Variants in GALNT13 observed in about 807,000 individuals in gnomAD.
The protein encoded by GALNT13 is UDP-GalNAc:polypeptide N-acetylgalactosaminyltransferase 13.
Under a neutral mutation model 64.2 loss-of-function variants are expected in GALNT13, and 28 were observed. The ratio of observed to expected loss-of-function variants is 0.44; its 90% CI spans 0.32 to 0.60. The LOEUF is 0.60. Among genes scored for constraint, GALNT13 ranks in the 20% least tolerant of loss-of-function variants. The pLI, the probability that GALNT13 is intolerant of heterozygous loss-of-function variation, is 0.05. For synonymous variants in GALNT13, 214 were observed against 224.6 expected, an observed-to-expected ratio of 0.95 and a Z score of 0.42; for missense variants, 577 against 669.8, an observed-to-expected ratio of 0.86 and a Z score of 1.53.
chr2:153,896,221 T>C (rs1024840297), intron 1 of GALNT13, among the ~76,000 whole-genome samples: 41 of 150,666 alleles, frequency 2.7e-4, no homozygotes, highest in Non-Finnish European at 3.5e-4. Flanking sequence ...CTGACTACTT[T>C]CACTTATTTT....
intron 9 of GALNT13, among the ~76,000 whole-genome samples, chr2:154,304,373 A>G (rs138380341): frequency 3.3e-5 from 5 of 152,296 alleles, no homozygotes; most frequent in African/African-American, 1.2e-4. Context: ...TCTTTTGATG[A>G]TACTTTTTGA....
chr2:153,538,357 TTTTTA>T, the GALNT13 span, among the ~76,000 whole-genome samples: 4 of 125,638 alleles, frequency 3.2e-5, no homozygotes, highest in East Asian at 2.5e-4. Context: ...TTTTTATTTA[TTTTTA>T]TTTTATTTAT....
intron 3 of GALNT13, among the ~76,000 whole-genome samples, chr2:154,029,891 A>G (rs1242275416): frequency 6.6e-6 from 1 of 152,176 alleles, no homozygotes; most frequent in Non-Finnish European, 1.5e-5. Context: ...ACTAGAACTG[A>G]AAAACATAGC....
chr2:154,404,513 G>A (rs1024341673), intron 10 of GALNT13, among the ~76,000 whole-genome samples: 2 of 152,152 alleles, frequency 1.3e-5, no homozygotes, highest in East Asian at 1.9e-4. Flanking sequence ...AAGCAATGAG[G>A]TATTTGATGG....
At chr2:153,171,496 G>A in the GALNT13 span, among the ~76,000 whole-genome samples, 1 of 152,162 alleles carries the variant, frequency 6.6e-6, no homozygotes, top group Non-Finnish European at 1.5e-5. Context: ...AGTGACAAGT[G>A]TTGACAAGAA....
intron 8 of GALNT13, among the ~76,000 whole-genome samples, chr2:154,298,108 A>C (rs575345828): frequency 1.3e-5 from 2 of 152,152 alleles, no homozygotes; most frequent in Non-Finnish European, 2.9e-5. Flanking sequence ...GAGACCACCC[A>C]TGAAATGTAT....
chr2:153,174,508 T>C, the GALNT13 span, among the ~76,000 whole-genome samples: 1 of 151,902 alleles, frequency 6.6e-6, no homozygotes, highest in South Asian at 2.1e-4. Context: ...CTGAGAATTT[T>C]CCAAATCCAC....
the GALNT13 span, among the ~76,000 whole-genome samples, chr2:153,339,509 A>G: frequency 6.6e-6 from 1 of 152,158 alleles, no homozygotes; most frequent in Non-Finnish European, 1.5e-5. Context: ...TATTTTGGAT[A>G]TTAACTGTGT....
chr2:154,206,050 T>G (rs1276025810), intron 4 of GALNT13, among the ~76,000 whole-genome samples: 2 of 151,944 alleles, frequency 1.3e-5, no homozygotes, highest in Non-Finnish European at 2.9e-5. Context: ...CAGGTGGGAG[T>G]GCAGTGGTGC....
intron 4 of GALNT13, among the ~76,000 whole-genome samples, chr2:154,187,328 T>C (rs1481458742): frequency 1.3e-5 from 2 of 151,084 alleles, no homozygotes. Context: ...CAGAAACTTC[T>C]TGGAACAGTT....
intron 3 of GALNT13, among the ~76,000 whole-genome samples, chr2:154,103,581 C>T (rs1702459115): frequency 6.6e-6 from 1 of 152,122 alleles, no homozygotes; most frequent in Non-Finnish European, 1.5e-5. Context: ...CTTGGGCTGA[C>T]TCTATTTCAT....
chr2:153,322,423 C>A, the GALNT13 span, among the ~76,000 whole-genome samples: 1 of 151,942 alleles, frequency 6.6e-6, no homozygotes, highest in Non-Finnish European at 1.5e-5. Flanking sequence ...CTGATGGAAA[C>A]CTAGATAGAT....
chr2:153,556,790 A>C, the GALNT13 span, among the ~76,000 whole-genome samples: 164 of 152,322 alleles, frequency 1.1e-3, no homozygotes, highest in African/African-American at 3.7e-3. Context: ...CTTAATGCAG[A>C]CTGAGGCCCT....
the GALNT13 span, among the ~76,000 whole-genome samples, chr2:153,799,811 T>G: frequency 1.3e-5 from 2 of 152,092 alleles, no homozygotes; most frequent in Non-Finnish European, 2.9e-5. Flanking sequence ...GAATGATATG[T>G]ACCATAGGGC....
At chr2:154,076,446 T>C (rs1700991940) in intron 3 of GALNT13, among the ~76,000 whole-genome samples, 1 of 151,670 alleles carries the variant, frequency 6.6e-6, no homozygotes, top group Admixed American at 6.6e-5. Context: ...ATGAGAAAAC[T>C]GAGATACAGA....
the GALNT13 span, among the ~76,000 whole-genome samples, chr2:153,253,240 G>T: frequency 6.7e-6 from 1 of 149,144 alleles, no homozygotes; most frequent in African/African-American, 2.5e-5. Context: ...ATTGTGAATG[G>T]GAGTTCACTC....
chr2:153,810,479 A>T, the GALNT13 span, among the ~76,000 whole-genome samples: 1 of 152,184 alleles, frequency 6.6e-6, no homozygotes, highest in African/African-American at 2.4e-5. Context: ...AGTTCACTGA[A>T]TGAATGTGTT....
intron 3 of GALNT13, among the ~76,000 whole-genome samples, chr2:154,124,742 A>T (rs1472447634): frequency 6.6e-6 from 1 of 152,106 alleles, no homozygotes; most frequent in Non-Finnish European, 1.5e-5. Context: ...AATGACCATG[A>T]GGTTAAGTTA....
the GALNT13 span, among the ~76,000 whole-genome samples, chr2:153,322,117 A>G: frequency 6.6e-6 from 1 of 151,960 alleles, no homozygotes; most frequent in Non-Finnish European, 1.5e-5. Context: ...TGGATTACAA[A>G]TGGCCGAGGT....
Sources: allele counts gnomAD v4.1 joint callset (sites outside exome capture counted in the v4.1 genomes callset), GRCh38; gene constraint gnomAD v4.1.1; transcripts MANE v1.5; gene names NCBI Gene and HGNC (gene_info 2026-07-23, HGNC 2026-07-21).